The following CD1B variants were observed in gnomAD, a reference collection of about 807,000 sequenced individuals.
The protein encoded by CD1B is CD1b molecule.
CD1B carries 43 observed loss-of-function variants against 39.8 expected under a neutral mutation model. The observed-to-expected ratio is 1.08, with a 90% CI of 0.85 to 1.39. The LOEUF is 1.39. Ranked by LOEUF, CD1B falls within the 40% of genes most tolerant of loss-of-function variation. CD1B has a pLI of 0.00. For synonymous variants in CD1B, 192 were observed against 152.5 expected, an observed-to-expected ratio of 1.26 and a Z score of -1.91; for missense variants, 495 against 403.8, an observed-to-expected ratio of 1.23 and a Z score of -1.94.
chr1:158,287,827 C>T, the CD1B span, among the ~76,000 whole-genome samples: 2 of 152,166 alleles, frequency 1.3e-5, no homozygotes, highest in African/African-American at 4.8e-5. Context: ...AGTTAAACTG[C>T]ATGTAGATCA....
chr1:158,297,506 C>A, the CD1B span, among the ~76,000 whole-genome samples: 1 of 152,104 alleles, frequency 6.6e-6, no homozygotes, highest in African/African-American at 2.4e-5. Flanking sequence ...AGTAAACAGA[C>A]CAGTGACACT....
the CD1B span, chr1:158,292,587 T>C: frequency 6.2e-7 from 1 of 1,611,154 alleles, no homozygotes; most frequent in Non-Finnish European, 8.5e-7. Flanking sequence ...CTTTTTCTGC[T>C]CTCTGCAGTG....
the CD1B span, among the ~76,000 whole-genome samples, chr1:158,317,146 G>T: frequency 1.3e-5 from 2 of 151,986 alleles, no homozygotes; most frequent in Admixed American, 6.5e-5. Flanking sequence ...GTCTCTGCCC[G>T]GCTTTGGTAT....
the CD1B span, among the ~76,000 whole-genome samples, chr1:158,303,617 A>G: frequency 2.3e-4 from 35 of 152,340 alleles, no homozygotes; most frequent in African/African-American, 8.2e-4. Context: ...TAGCTTCTCT[A>G]TATATCAATA....
At chr1:158,312,784 A>C in the CD1B span, among the ~76,000 whole-genome samples, 2 of 152,266 alleles carry the variant, frequency 1.3e-5, no homozygotes, top group East Asian at 3.9e-4. Flanking sequence ...TAAAGTTGTG[A>C]TCTCCACAAA....
downstream of CD1B, among the ~76,000 whole-genome samples, chr1:158,325,100 T>C (rs1346578559): frequency 6.6e-6 from 1 of 151,934 alleles, no homozygotes; most frequent in African/African-American, 2.4e-5. Context: ...TCCATCAAGG[T>C]AATAAGATAG....
chr1:158,297,999 C>A, the CD1B span, among the ~76,000 whole-genome samples: 1 of 150,600 alleles, frequency 6.6e-6, no homozygotes, highest in Non-Finnish European at 1.5e-5. Context: ...CTTCAAGAGA[C>A]CCATCTCACA....
the CD1B span, among the ~76,000 whole-genome samples, chr1:158,313,743 A>AT: frequency 1.3e-5 from 2 of 152,186 alleles, no homozygotes; most frequent in African/African-American, 4.8e-5. Context: ...AAGAACAGGC[A>AT]TTAGTTATTT....
chr1:158,313,634 T>C, the CD1B span, among the ~76,000 whole-genome samples: 1 of 152,140 alleles, frequency 6.6e-6, no homozygotes, highest in Non-Finnish European at 1.5e-5. Context: ...TTGTTTTTGT[T>C]GTGTCATCTA....
At chr1:158,327,935 C>G (rs192316103), downstream of CD1B, 209 of 266,466 alleles carry the variant, frequency 7.8e-4, 1 homozygote, top group African/African-American at 4.3e-3. Context: ...ATTAGGAAGC[C>G]AAAGGGAGTC....
chr1:158,330,357 G>C (rs1353476014), intron 2 of CD1B, among the ~76,000 whole-genome samples: 1 of 152,154 alleles, frequency 6.6e-6, no homozygotes, highest in Non-Finnish European at 1.5e-5. Context: ...CAGTGAGTAT[G>C]AAAGGAGAGG....
the CD1B span, among the ~76,000 whole-genome samples, chr1:158,299,340 C>A: frequency 6.6e-6 from 1 of 152,080 alleles, no homozygotes; most frequent in Non-Finnish European, 1.5e-5. Context: ...TATGTTGAAC[C>A]AGCCTTGCAT....
chr1:158,290,654 T>A, the CD1B span, among the ~76,000 whole-genome samples: 1 of 152,024 alleles, frequency 6.6e-6, no homozygotes, highest in Non-Finnish European at 1.5e-5. Context: ...CAGTGGCTGA[T>A]GGGGAAGATT....
At chr1:158,299,002 T>C in the CD1B span, among the ~76,000 whole-genome samples, 1 of 152,174 alleles carries the variant, frequency 6.6e-6, no homozygotes, top group Non-Finnish European at 1.5e-5. Context: ...TTAAATACCC[T>C]TTATTTCTTT....
the CD1B span, among the ~76,000 whole-genome samples, chr1:158,310,403 G>C: frequency 2.0e-5 from 3 of 152,076 alleles, no homozygotes; most frequent in African/African-American, 4.8e-5. Context: ...CTGGACATAG[G>C]CCCTGGCAAG....
chr1:158,290,203 G>C, the CD1B span: 2 of 1,289,618 alleles, frequency 1.6e-6, no homozygotes, highest in East Asian at 2.3e-5. Flanking sequence ...TGGATCAATA[G>C]AGATGCCAGA....
chr1:158,304,795 G>A, the CD1B span, among the ~76,000 whole-genome samples: 1 of 152,172 alleles, frequency 6.6e-6, no homozygotes, highest in Non-Finnish European at 1.5e-5. Context: ...CTGCTGTTCT[G>A]CAGCCTCTGC....
chr1:158,301,576 G>C, the CD1B span, among the ~76,000 whole-genome samples: 1 of 152,076 alleles, frequency 6.6e-6, no homozygotes, highest in Non-Finnish European at 1.5e-5. Context: ...TGAAATTCTC[G>C]GTTGAAAATT....
chr1:158,292,971 T>C, the CD1B span: 1 of 1,195,808 alleles, frequency 8.4e-7, no homozygotes. Flanking sequence ...TGAGGGATTG[T>C]AGGAAGAAAT....
Sources: gnomAD v4.1 joint callset for allele counts (sites outside exome capture counted in the v4.1 genomes callset) on GRCh38, gnomAD v4.1.1 for gene constraint, MANE v1.5 for transcripts, NCBI Gene and HGNC (gene_info 2026-07-23, HGNC 2026-07-21) for gene names.